LINGO2: variants seen among roughly 807,000 people sequenced by gnomAD.
The protein encoded by LINGO2 is leucine rich repeat and Ig domain containing 2.
A neutral mutation model predicts 30.6 loss-of-function variants in LINGO2; 14 were observed. That is an observed-to-expected ratio of 0.46 (90% CI 0.30 to 0.72). The LOEUF is 0.72. LINGO2 is among the 30% of genes least tolerant of loss of function. The probability of loss-of-function intolerance (pLI) is 0.07; values close to 1 mark genes in which losing one functional copy is unlikely to be tolerated. For synonymous variants in LINGO2, 317 were observed against 288.5 expected (o/e 1.10, Z -1.00); for missense variants, 729 against 751.7 (o/e 0.97, Z 0.35).
At chr9:28,874,435 G>A in the LINGO2 span, among the ~76,000 whole-genome samples, 1,265 of 151,814 alleles carry the variant, frequency 8.3e-3, 22 homozygotes, top group African/African-American at 0.028. Context: ...GTTAACTATC[G>A]AGCACTGTTT....
At chr9:28,821,306 T>TG in the LINGO2 span, among the ~76,000 whole-genome samples, 1 of 152,202 alleles carries the variant, frequency 6.6e-6, no homozygotes, top group Non-Finnish European at 1.5e-5. Flanking sequence ...CTTTGTTTCC[T>TG]GGGAGTTTCC....
chr9:29,000,421 G>T, the LINGO2 span, among the ~76,000 whole-genome samples: 2 of 151,730 alleles, frequency 1.3e-5, no homozygotes, highest in Non-Finnish European at 2.9e-5. Flanking sequence ...GGAAAACATA[G>T]CCCTTATACA....
At chr9:29,037,263 T>A in the LINGO2 span, among the ~76,000 whole-genome samples, 1 of 151,894 alleles carries the variant, frequency 6.6e-6, no homozygotes, top group Non-Finnish European at 1.5e-5. Flanking sequence ...TTTGGATCAA[T>A]AGCTTTACTA....
intron 4 of LINGO2, among the ~76,000 whole-genome samples, chr9:28,117,749 A>G (rs931512801): frequency 2.9e-4 from 42 of 146,590 alleles, no homozygotes; most frequent in Admixed American, 4.8e-4. Context: ...AGGTGAGGCA[A>G]TGCCTTGCCC....
At chr9:28,028,625 T>C (rs1823505972) in intron 4 of LINGO2, among the ~76,000 whole-genome samples, 1 of 152,182 alleles carries the variant, frequency 6.6e-6, no homozygotes, top group Non-Finnish European at 1.5e-5. Context: ...AAGTACTGTA[T>C]AAAAAATGGC....
chr9:28,085,907 T>G (rs1040247882), intron 4 of LINGO2, among the ~76,000 whole-genome samples: 1 of 152,124 alleles, frequency 6.6e-6, no homozygotes, highest in Admixed American at 6.6e-5. Context: ...TAGTTCTCTA[T>G]GTACTGACAT....
chr9:29,004,026 T>G, the LINGO2 span, among the ~76,000 whole-genome samples: 1 of 152,128 alleles, frequency 6.6e-6, no homozygotes, highest in African/African-American at 2.4e-5. Flanking sequence ...TAAAAATGTC[T>G]TAGCCTCATT....
At chr9:29,184,448 G>T in the LINGO2 span, among the ~76,000 whole-genome samples, 3 of 151,972 alleles carry the variant, frequency 2.0e-5, no homozygotes, top group Non-Finnish European at 4.4e-5. Context: ...TGTTCTATAG[G>T]GGGGAAGAAG....
chr9:28,435,324 T>C lies in LINGO2; in HGVS notation c.-279+40616A>G, dbSNP rs181657740. ...CTAGTACCTTTATAATGTTGTTATC[T>C]AAGAATCATGTCAAATTTTATTTAG... On this transcript the variant is annotated intron_variant, in intron 2 of 5. Coordinates refer to ENST00000379992, the Ensembl canonical transcript of LINGO2. 2.5e-4 allele frequency among the ~76,000 whole-genome samples: 38 copies of C among 152,314 alleles called. 1 individual carries two copies. The highest frequency in any genetic ancestry group is 7.2e-4 in the African/African-American group (30 of 41,580).
intron 3 of LINGO2, among the ~76,000 whole-genome samples, chr9:28,334,781 C>A (rs971317546): frequency 3.9e-5 from 6 of 152,038 alleles, no homozygotes; most frequent in African/African-American, 1.4e-4. Context: ...CAGTCATGAA[C>A]CTGAAATGAT....
the LINGO2 span, among the ~76,000 whole-genome samples, chr9:28,915,681 AC>A: frequency 6.6e-6 from 1 of 152,204 alleles, no homozygotes; most frequent in African/African-American, 2.4e-5. Flanking sequence ...CTTAGGAGAT[AC>A]TTTATCAGTG....
At chr9:28,452,636 G>A (rs1222678260) in intron 2 of LINGO2, among the ~76,000 whole-genome samples, 3 of 151,810 alleles carry the variant, frequency 2.0e-5, no homozygotes, top group Non-Finnish European at 4.4e-5. Context: ...AGCAATAAAA[G>A]TATAAATTAG....
chr9:28,846,698 T>C, the LINGO2 span, among the ~76,000 whole-genome samples: 2 of 147,132 alleles, frequency 1.4e-5, no homozygotes, highest in Non-Finnish European at 3.0e-5. Context: ...CAGTTCTAAT[T>C]ACCATCTCTG....
intron 4 of LINGO2, among the ~76,000 whole-genome samples, chr9:28,030,554 G>A (rs1823616473): frequency 6.6e-6 from 1 of 152,112 alleles, no homozygotes; most frequent in South Asian, 2.1e-4. Context: ...CCTGGAAGTG[G>A]GAAATAATAA....
the LINGO2 span, among the ~76,000 whole-genome samples, chr9:28,976,839 G>T: frequency 1.6e-4 from 24 of 151,692 alleles, no homozygotes; most frequent in Admixed American, 7.9e-4. Flanking sequence ...GAGGAAAAAA[G>T]GAATGAAATG....
At chr9:28,378,164 T>A (rs1821203446) in intron 2 of LINGO2, among the ~76,000 whole-genome samples, 1 of 152,156 alleles carries the variant, frequency 6.6e-6, no homozygotes. Context: ...TAGATAAAAT[T>A]CCTCAGACAG....
At chr9:29,185,974 T>C in the LINGO2 span, among the ~76,000 whole-genome samples, 1 of 152,294 alleles carries the variant, frequency 6.6e-6, no homozygotes, top group Admixed American at 6.5e-5. Flanking sequence ...ATAAACACAA[T>C]GTATGTTCAT....
intron 2 of LINGO2, among the ~76,000 whole-genome samples, chr9:28,392,700 A>T (rs980903317): frequency 6.6e-6 from 1 of 152,060 alleles, no homozygotes; most frequent in East Asian, 1.9e-4. Flanking sequence ...GTTTCTGGTG[A>T]CCAGTCCCAT....
chr9:28,754,435 T>C, the LINGO2 span, among the ~76,000 whole-genome samples: 1 of 151,980 alleles, frequency 6.6e-6, no homozygotes, highest in African/African-American at 2.4e-5. Flanking sequence ...ATGGGAGAAA[T>C]CCCAGAAGAT....
Sources: allele counts gnomAD v4.1 joint callset (sites outside exome capture counted in the v4.1 genomes callset), GRCh38; gene constraint gnomAD v4.1.1; transcripts MANE v1.5; gene names NCBI Gene and HGNC (gene_info 2026-07-23, HGNC 2026-07-21).